USP6: variants seen among roughly 807,000 people sequenced by gnomAD.
USP6 encodes the protein ubiquitin carboxyl-terminal hydrolase 6.
Under a neutral mutation model 175.7 loss-of-function variants are expected in USP6, and 128 were observed. That is an observed-to-expected ratio of 0.73 (90% CI 0.63 to 0.84). The LOEUF is 0.84. USP6 is among the 40% of genes least tolerant of loss of function. The pLI, the probability that USP6 is intolerant of heterozygous loss-of-function variation, is 0.00. For missense variants in USP6, 1,498 were observed against 1,760.3 expected, an observed-to-expected ratio of 0.85 and a Z score of 2.67; for synonymous variants, 562 against 630.6, an observed-to-expected ratio of 0.89 and a Z score of 1.63.
At position 5,168,105 on chromosome 17, in the gene USP6, G is replaced by A. The variant is rs1340048715; in HGVS notation, c.3210G>A (p.Trp1070Ter). ...HCLATKKLDL[W>*]RLPPFLIIHL... ...TAGCAACAAAGAAGCTGGATCTCTG[G>A]AGGCTTCCACCCTTCCTGGTATGTT... Residue 1070 changes from tryptophan (W) to a stop codon, truncating the protein, a stop_gained, in exon 34 of 38, where the codon TGG (tryptophan) becomes TGA (stop). Coordinates refer to ENST00000574788, the MANE Select transcript of USP6 (RefSeq NM_001304284.2). LOFTEE classifies it high-confidence loss of function. 6.2e-7 allele frequency: 1 copy of A among 1,608,992 alleles called. No homozygotes were observed. Among genetic ancestry groups the A allele is most frequent in the South Asian group, 1.1e-5 (1 of 90,822 alleles).
chr17:5,153,875 C>G (rs1423320615), intron 30 of USP6, among the ~76,000 whole-genome samples: 1 of 152,018 alleles, frequency 6.6e-6, no homozygotes, highest in Non-Finnish European at 1.5e-5. Flanking sequence ...AGGCTGGTCT[C>G]GCACTCCTGA....
In USP6 at chr17:5,139,404, C is replaced by A; in HGVS notation, c.1228C>A (p.Arg410Ser). 6.2e-7 allele frequency: 1 copy of A among 1,613,346 alleles called. No individual in the cohort carries two copies. Among genetic ancestry groups the A allele is most frequent in the Non-Finnish European group, 8.5e-7 (1 of 1,180,032 alleles). Residue 410 changes from arginine to serine, a missense_variant, in exon 22 of 38, where the codon CGT (arginine) becomes AGT (serine). By Grantham distance (110) the Arg-to-Ser change is moderately radical. Coordinates refer to ENST00000574788, the MANE Select transcript of USP6 (RefSeq NM_001304284.2). The stretch of plus-strand genomic sequence containing the variant: ...CTCAGCTTCCCCGCCATGGGCATCT[C>A]GTTTTTCCACGCCCTGTCCTGGTGG... Reference protein sequence around the residue: ...ICSASPPWASRFSTPCPGGAV... With the variant: ...ICSASPPWASSFSTPCPGGAV...
intron 34 of USP6, 117 bp from the exon 35 acceptor site, chr17:5,168,650 A>G (rs1241892102): frequency 7.3e-7 from 1 of 1,373,810 alleles, no homozygotes; most frequent in Non-Finnish European, 9.9e-7. Flanking sequence ...AATAATGAAG[A>G]GTAAATGTTC....
chr17:5,168,059 C>G lies in USP6; in HGVS notation c.3164C>G (p.Ser1055Cys), dbSNP rs905405915. ...GGGGAAAGTGAGATGTACTACTGTTCCAAGTGTAAGACCCACTGCTTAGCA... is the reference window on the plus strand; with the variant it reads ...GGGGAAAGTGAGATGTACTACTGTTGCAAGTGTAAGACCCACTGCTTAGCA... ...ELGESEMYYC[S>C]KCKTHCLATK... The change falls in exon 34 of 38, where the codon TCC becomes TGC. Residue 1055 changes from serine to cysteine, a missense_variant. Physicochemically the swap from Ser to Cys is moderately radical, Grantham distance 112. Around this residue, in one of 2 missense-constraint regions of USP6, gnomAD observed 1,217 missense variants for 1,500.8 expected, o/e 0.81. Transcript: ENST00000574788. 7.4e-6 allele frequency: 12 copies of G among 1,611,858 alleles called. No homozygotes were observed. The Admixed American group carries it at 1.5e-4, about 20-fold the overall frequency.
At chr17:5,159,633 CT>C (rs2144107525) in intron 31 of USP6, among the ~76,000 whole-genome samples, 1 of 152,210 alleles carries the variant, frequency 6.6e-6, no homozygotes, top group South Asian at 2.1e-4. Context: ...AGGAAGAGAT[CT>C]ATTTTACCTC....
intron 21 of USP6, chr17:5,139,002 A>T (rs1179231712): frequency 6.5e-7 from 1 of 1,529,670 alleles, no homozygotes; most frequent in Non-Finnish European, 8.8e-7. Flanking sequence ...GGTGTGTGGC[A>T]GGAAGCCCCC....
chr17:5,159,410 C>A (rs753643745), intron 31 of USP6, among the ~76,000 whole-genome samples: 6 of 152,126 alleles, frequency 3.9e-5, no homozygotes, highest in Non-Finnish European at 5.9e-5. Flanking sequence ...GTATTAATTG[C>A]ATTGATGCTG....
intron 23 of USP6, among the ~76,000 whole-genome samples, chr17:5,141,737 A>G (rs2073453186): frequency 6.6e-6 from 1 of 152,178 alleles, no homozygotes. Flanking sequence ...ATGCTAGAAG[A>G]ATAATTGTTT....
chr17:5,126,084 T>A (rs56036146), intron 6 of USP6, 146 bp downstream of exon 6: 19,257 of 152,248 alleles, frequency 0.13, 1,398 homozygotes, highest in African/African-American at 0.17. Context: ...CGGGAATGCA[T>A]GCTTTTAGGA....
At chr17:5,169,226 T>G (rs1291508566) in intron 35 of USP6, among the ~76,000 whole-genome samples, 171 bp downstream of exon 35, 1 of 152,228 alleles carries the variant, frequency 6.6e-6, no homozygotes, top group African/African-American at 2.4e-5. Context: ...TCAGCCTCCC[T>G]GAATCTATTT....
chr17:5,117,390 C>T (rs2072561535), intron 1 of USP6, among the ~76,000 whole-genome samples: 1 of 152,088 alleles, frequency 6.6e-6, no homozygotes, highest in African/African-American at 2.4e-5. Context: ...GAGGCACACA[C>T]CTGTAATCCC....
At chr17:5,149,342 G>T (rs1043059820) in intron 30 of USP6, among the ~76,000 whole-genome samples, 4 of 152,204 alleles carry the variant, frequency 2.6e-5, no homozygotes, top group African/African-American at 7.2e-5. Context: ...GGCAGAGGTT[G>T]CAGTGAGCGA....
chr17:5,168,520 C>G (rs528134842), intron 34 of USP6, among the ~76,000 whole-genome samples: 3 of 152,372 alleles, frequency 2.0e-5, no homozygotes, highest in East Asian at 1.9e-4. Context: ...GCAATACCCA[C>G]TGCACATAGT....
At chr17:5,138,907 G>T in intron 21 of USP6, 1 of 1,035,442 alleles carries the variant, frequency 9.7e-7, no homozygotes, top group Non-Finnish European at 1.3e-6. Flanking sequence ...ATGTGAGGTG[G>T]CAAGGAGCTG....
At chr17:5,125,413 A>G (rs2072853068) in intron 5 of USP6, 141 bp downstream of exon 5, 1 of 152,210 alleles carries the variant, frequency 6.6e-6, no homozygotes. Context: ...GTCTTCAAGA[A>G]AACTGGTCTC....
intron 30 of USP6, among the ~76,000 whole-genome samples, chr17:5,149,941 C>A (rs1422556224): frequency 6.6e-6 from 1 of 152,068 alleles, no homozygotes. Context: ...TGTTTTAGTT[C>A]TAATTCTGCC....
At chr17:5,142,227 C>A (rs1459649498) in intron 24 of USP6, 86 bp downstream of exon 24, 1 of 1,548,396 alleles carries the variant, frequency 6.5e-7, no homozygotes, top group African/African-American at 1.4e-5. Context: ...TTTCACCCTG[C>A]GGGAGAAAGA....
At chr17:5,170,442 T>A in intron 35 of USP6, 37 bp from the exon 36 acceptor site, 1 of 1,545,602 alleles carries the variant, frequency 6.5e-7, no homozygotes, top group African/African-American at 1.4e-5. Context: ...TTTCTGGCAT[T>A]TGGATTTGTG....
chr17:5,132,792 C>G lies in USP6; in HGVS notation c.196-118C>G. ...AGGCTCTCAGCCCTTAGGGTCTGCC[C>G]TTCCCTGGCTCCTTCCAGTTGGGTC... On this transcript the variant is annotated intron_variant, in intron 12 of 37. Coordinates refer to ENST00000574788, the MANE Select transcript of USP6 (RefSeq NM_001304284.2). This position sits in a 1 kb window ranked among gnomAD's most constrained non-coding sequence, Gnocchi z 4.7. The G allele has an allele frequency of 1.5e-6, 2 of 1,291,780 alleles. No homozygotes were observed. Among genetic ancestry groups the G allele is most frequent in the South Asian group, 1.2e-5 (1 of 83,718 alleles). 80.0% of individuals were successfully genotyped at this position (1,291,780 alleles called of 1,614,324 possible).
Sources: gnomAD v4.1 joint callset for allele counts (sites outside exome capture counted in the v4.1 genomes callset) on GRCh38, gnomAD v4.1.1 for gene constraint, gnomAD v4.1.1 regional missense constraint, Gnocchi (gnomAD v3.1) non-coding constraint, MANE v1.5 for transcripts, NCBI Gene and HGNC (gene_info 2026-07-23, HGNC 2026-07-21) for gene names.